TMEM114: variants seen among roughly 807,000 people sequenced by gnomAD.
The protein encoded by TMEM114 is claudin-26.
TMEM114 carries 6 observed loss-of-function variants against 6.2 expected under a neutral mutation model. The observed-to-expected ratio is 0.97, with a 90% CI of 0.53 to 1.91. The LOEUF (loss-of-function observed/expected upper bound fraction) is 1.91. Ranked by LOEUF, TMEM114 falls within the 40% of genes most tolerant of loss-of-function variation. The probability of loss-of-function intolerance (pLI) is 0.01; values close to 1 mark genes in which losing one functional copy is unlikely to be tolerated. For synonymous variants in TMEM114, 104 were observed against 73.0 expected (o/e 1.42, Z -2.16); for missense variants, 218 against 158.3 (o/e 1.38, Z -2.02).
At chr16:8,539,048 T>A (rs1900442379) in intron 2 of TMEM114, among the ~76,000 whole-genome samples, 1 of 152,164 alleles carries the variant, frequency 6.6e-6, no homozygotes, top group Non-Finnish European at 1.5e-5. Context: ...ATAAATAAAT[T>A]CTGATTATTA....
chr16:8,560,767 C>G (rs948947781), intron 2 of TMEM114, among the ~76,000 whole-genome samples: 3 of 152,134 alleles, frequency 2.0e-5, no homozygotes, highest in African/African-American at 7.2e-5. Flanking sequence ...CCCATCAGCC[C>G]CAACGTTCAC....
intron 2 of TMEM114, among the ~76,000 whole-genome samples, chr16:8,578,100 A>G (rs1902003532): frequency 6.6e-6 from 1 of 152,170 alleles, no homozygotes; most frequent in Non-Finnish European, 1.5e-5. Context: ...CACAGAGGAA[A>G]TAAGTGTGAG....
intron 2 of TMEM114, among the ~76,000 whole-genome samples, chr16:8,554,126 G>A (rs1001736777): frequency 2.6e-5 from 4 of 152,028 alleles, no homozygotes; most frequent in African/African-American, 4.8e-5. Context: ...TGATCCACCC[G>A]ACTTGGCCTC....
At chr16:8,569,289 T>C (rs62018860), downstream of TMEM114, among the ~76,000 whole-genome samples, 23,922 of 151,940 alleles carry the variant, frequency 0.16, 2,011 homozygotes, top group Middle Eastern at 0.21. Context: ...CCTGACCCCG[T>C]AGAAAGCCCA....
At chr16:8,577,931 C>A (rs559803857) in intron 2 of TMEM114, among the ~76,000 whole-genome samples, 1 of 152,282 alleles carries the variant, frequency 6.6e-6, no homozygotes, top group East Asian at 1.9e-4. Flanking sequence ...CATTCAGAAA[C>A]AAATGCCTTT....
At chr16:8,548,151 T>G (rs1900730312) in intron 2 of TMEM114, among the ~76,000 whole-genome samples, 1 of 152,172 alleles carries the variant, frequency 6.6e-6, no homozygotes, top group Non-Finnish European at 1.5e-5. Flanking sequence ...AGTTTGAATC[T>G]AAGCTCCCGC....
chr16:8,552,584 T>C (rs2141660288), intron 2 of TMEM114, among the ~76,000 whole-genome samples: 1 of 152,178 alleles, frequency 6.6e-6, no homozygotes, highest in East Asian at 1.9e-4. Flanking sequence ...TTTCTAGCTT[T>C]GATATTGCAC....
intron 2 of TMEM114, among the ~76,000 whole-genome samples, chr16:8,561,014 T>G (rs983671052): frequency 6.6e-6 from 1 of 152,182 alleles, no homozygotes; most frequent in African/African-American, 2.4e-5. Context: ...GAGGGAAACC[T>G]CTTAAAAACC....
chr16:8,551,050 C>G (rs879707972), intron 2 of TMEM114, among the ~76,000 whole-genome samples: 5 of 152,224 alleles, frequency 3.3e-5, no homozygotes, highest in African/African-American at 1.2e-4. Context: ...CTCCCGCCAT[C>G]CTGTTCGCTC....
intron 2 of TMEM114, among the ~76,000 whole-genome samples, chr16:8,562,097 T>A (rs1036711600): frequency 6.6e-6 from 1 of 150,864 alleles, no homozygotes. Context: ...AGTGAGTGAG[T>A]GAATGAGTGA....
downstream of TMEM114, among the ~76,000 whole-genome samples, chr16:8,534,386 G>C (rs75544516): frequency 0.015 from 2,332 of 151,496 alleles, 57 homozygotes; most frequent in African/African-American, 0.052. Flanking sequence ...GTCCTTTATA[G>C]CTATCACTTA....
chr16:8,562,054 G>GAATGAGTGAGTA (rs1437707328), intron 2 of TMEM114, among the ~76,000 whole-genome samples: 1 of 151,932 alleles, frequency 6.6e-6, no homozygotes, highest in African/African-American at 2.4e-5. Flanking sequence ...GTGAGTGAGT[G>GAATGAGTGAGTA]AATGAGTGAG....
chr16:8,579,500 G>C (rs1354563982), intron 2 of TMEM114, among the ~76,000 whole-genome samples: 1 of 152,008 alleles, frequency 6.6e-6, no homozygotes, highest in East Asian at 1.9e-4. Context: ...TGGAGGATGG[G>C]GGCTGCCTCT....
intron 2 of TMEM114, among the ~76,000 whole-genome samples, chr16:8,555,528 C>G (rs1295866392): frequency 1.3e-5 from 2 of 152,204 alleles, no homozygotes; most frequent in Non-Finnish European, 2.9e-5. Flanking sequence ...TGGGTGTTGT[C>G]ATGGCAATGG....
At chr16:8,528,707 G>A in the TMEM114 span, among the ~76,000 whole-genome samples, 3 of 152,188 alleles carry the variant, frequency 2.0e-5, no homozygotes, top group Non-Finnish European at 2.9e-5. Flanking sequence ...ATTTAAAAAT[G>A]CATGAACTTT....
chr16:8,553,996 A>T (rs1363097224), intron 2 of TMEM114, among the ~76,000 whole-genome samples: 2 of 151,768 alleles, frequency 1.3e-5, no homozygotes, highest in Non-Finnish European at 2.9e-5. Context: ...CTCATGTGTC[A>T]GCCGCCTGAA....
Position 8,563,734 on chromosome 16 carries a change from T to C in TMEM114, n.212+25479A>G, listed in dbSNP as rs542247911. Among the ~76,000 whole-genome samples, 65 of 149,904 alleles carry C rather than the reference T, an allele frequency of 4.3e-4. 3 individuals are homozygous for C. Among genetic ancestry groups the C allele is most frequent in the Admixed American group, 4.1e-3 (62 of 15,176 alleles). ...GTGAGTGAGTGAATGAGTCAGTGAG[T>C]GAATGAATGAGTCAGTGAATAAGTG... On this transcript the variant is annotated intron_variant and non_coding_transcript_variant, in intron 2 of 2. Coordinates refer to the TMEM114 transcript ENST00000623677.
intron 2 of TMEM114, among the ~76,000 whole-genome samples, chr16:8,558,545 G>A (rs996565138): frequency 7.2e-5 from 11 of 152,110 alleles, no homozygotes; most frequent in African/African-American, 2.2e-4. Context: ...GGTAAAGACC[G>A]CTTTTCCTAA....
intron 2 of TMEM114, among the ~76,000 whole-genome samples, chr16:8,538,557 G>C (rs1009823027): frequency 2.0e-5 from 3 of 152,114 alleles, no homozygotes; most frequent in East Asian, 1.9e-4. Flanking sequence ...GCCCAGGCTG[G>C]AGTGCAGTGG....
Sources: gnomAD v4.1 joint callset for allele counts (sites outside exome capture counted in the v4.1 genomes callset) on GRCh38, gnomAD v4.1.1 for gene constraint, MANE v1.5 for transcripts, NCBI Gene and HGNC (gene_info 2026-07-23, HGNC 2026-07-21) for gene names.